The following CCDC38 variants were observed in gnomAD, a reference collection of about 807,000 sequenced individuals.
CCDC38 encodes the protein coiled-coil domain-containing protein 38.
A neutral mutation model predicts 72.8 loss-of-function variants in CCDC38; 69 were observed. The observed-to-expected ratio is 0.95, with a 90% CI of 0.78 to 1.16. The LOEUF is 1.16. CCDC38 is among the 50% of genes most tolerant of loss of function. CCDC38 has a pLI of 0.00. For synonymous variants in CCDC38, 201 were observed against 213.2 expected (o/e 0.94, Z 0.50); for missense variants, 626 against 638.9 (o/e 0.98, Z 0.22).
chr12:95,869,536 G>A lies in CCDC38; in HGVS notation c.1522C>T (p.Gln508Ter), dbSNP rs1399413690. 1 of 1,613,246 alleles carries A rather than the reference G, an allele frequency of 6.2e-7. No homozygotes were observed. The highest frequency in any genetic ancestry group is 8.5e-7 in the Non-Finnish European group (1 of 1,179,780). ...DEKMKEKQRH[Q>*]QERLKAALEK... ...AGAGCAGCTTTTAGCCTTTCCTGTT[G>A]GTGTCTTTGTTTTTCTTTCATTTTC... The change falls in exon 15 of 16, where the codon CAA becomes TAA. Residue 508 changes from glutamine (Q) to a stop codon, truncating the protein, a stop_gained. Coordinates refer to ENST00000344280, the MANE Select transcript of CCDC38 (RefSeq NM_182496.3). LOFTEE classifies it high-confidence loss of function.
At chr12:95,911,485 C>T (rs940402758) in intron 4 of CCDC38, among the ~76,000 whole-genome samples, 22 of 152,182 alleles carry the variant, frequency 1.4e-4, no homozygotes, top group Non-Finnish European at 3.1e-4. Context: ...TGTATATTCG[C>T]AACCTTTGTC....
intron 5 of CCDC38, among the ~76,000 whole-genome samples, chr12:95,905,377 A>G (rs2079990858): frequency 1.3e-5 from 2 of 152,226 alleles, no homozygotes; most frequent in Admixed American, 1.3e-4. Context: ...ATCCTAGTGT[A>G]TCTGTCAAGC....
At chr12:95,872,564 T>C (rs1274914460) in intron 13 of CCDC38, 104 bp from the exon 14 acceptor site, 3 of 734,124 alleles carry the variant, frequency 4.1e-6, no homozygotes, top group Non-Finnish European at 6.7e-6. Flanking sequence ...CTATTAAATG[T>C]TTACATTTTT....
intron 5 of CCDC38, among the ~76,000 whole-genome samples, chr12:95,904,472 GGA>G (rs1339024689): frequency 6.6e-6 from 1 of 152,208 alleles, no homozygotes; most frequent in Non-Finnish European, 1.5e-5. Flanking sequence ...TTTATTAAAA[GGA>G]AAGAATATGC....
At chr12:95,941,415 C>CA (rs1241048688) in intron 1 of CCDC38, among the ~76,000 whole-genome samples, 2 of 152,068 alleles carry the variant, frequency 1.3e-5, no homozygotes, top group African/African-American at 4.8e-5. Flanking sequence ...ATTTAAAACT[C>CA]AGACAAGCCC....
At position 95,916,408 on chromosome 12, in the gene CCDC38, CCTTCCTTCCTTT is replaced by C. The variant is rs796284977; in HGVS notation, c.304+709_304+720del. On this transcript the variant is annotated intron_variant, in intron 4 of 15. Transcript: ENST00000344280. ...TCCTTCCTTCCTTCCTTCCTTCCTT[CCTTCCTTCCTTT>C]TTTCCCTTCTTATTTTAAACTTTTT... Among the ~76,000 whole-genome samples, 1,126 of 149,884 alleles carry C rather than the reference CCTTCCTTCCTTT, an allele frequency of 7.5e-3. 14 individuals carry two copies. Among genetic ancestry groups the C allele is most frequent in the African/African-American group, 0.026 (1,034 of 39,460 alleles).
intron 5 of CCDC38, among the ~76,000 whole-genome samples, chr12:95,900,620 T>A (rs1313982211): frequency 1.3e-5 from 2 of 152,190 alleles, no homozygotes; most frequent in Non-Finnish European, 2.9e-5. Flanking sequence ...TGCATATAGT[T>A]AGTCTGCTCA....
chr12:95,914,978 A>G (rs927735245), intron 4 of CCDC38, among the ~76,000 whole-genome samples: 5 of 152,232 alleles, frequency 3.3e-5, no homozygotes, highest in Admixed American at 3.3e-4. Flanking sequence ...ATAGAAGAAA[A>G]GAATGAAAGT....
intron 4 of CCDC38, among the ~76,000 whole-genome samples, chr12:95,916,376 C>T (rs2080143557): frequency 7.2e-6 from 1 of 138,096 alleles, no homozygotes; most frequent in Non-Finnish European, 1.6e-5. Flanking sequence ...AAGTTGCCTG[C>T]CTGCCTTCCT....
chr12:95,869,737 T>C, intron 14 of CCDC38, 164 bp from the exon 15 acceptor site: 1 of 560,376 alleles, frequency 1.8e-6, no homozygotes, highest in Middle Eastern at 4.6e-4. Flanking sequence ...AATATTCAGG[T>C]AAATCTCGAC....
At chr12:95,941,670 A>T (rs1484425782) in intron 1 of CCDC38, among the ~76,000 whole-genome samples, 2 of 152,244 alleles carry the variant, frequency 1.3e-5, no homozygotes, top group Admixed American at 1.3e-4. Flanking sequence ...ATTTTATAAT[A>T]GAAAATTTTA....
chr12:95,916,375 G>GCCTTCCTTCCTTCCTT (rs1432630349), intron 4 of CCDC38, among the ~76,000 whole-genome samples: 1 of 111,990 alleles, frequency 8.9e-6, no homozygotes, highest in African/African-American at 3.4e-5. Context: ...TAAGTTGCCT[G>GCCTTCCTTCCTTCCTT]CCTGCCTTCC....
chr12:95,915,338 G>C (rs571731573), intron 4 of CCDC38, among the ~76,000 whole-genome samples: 1 of 152,312 alleles, frequency 6.6e-6, no homozygotes, highest in East Asian at 1.9e-4. Context: ...AGAGATCTGA[G>C]GACATAGAAT....
chr12:95,911,155 T>C (rs2080090177), intron 4 of CCDC38, among the ~76,000 whole-genome samples: 1 of 152,140 alleles, frequency 6.6e-6, no homozygotes, highest in African/African-American at 2.4e-5. Flanking sequence ...CCCTTTTCAA[T>C]AAATGGTGCA....
intron 2 of CCDC38, among the ~76,000 whole-genome samples, chr12:95,932,816 T>C (rs2080352117): frequency 6.6e-6 from 1 of 152,128 alleles, no homozygotes; most frequent in South Asian, 2.1e-4. Context: ...ACAAGAATAG[T>C]GAGAACCCTT....
At chr12:95,894,537 T>G (rs1461443171) in intron 8 of CCDC38, among the ~76,000 whole-genome samples, 2 of 152,116 alleles carry the variant, frequency 1.3e-5, no homozygotes, top group African/African-American at 4.8e-5. Context: ...TAGGAATGAG[T>G]GAGTTCTTAC....
rs544354041 is a variant in CCDC38 at position 95,912,672 on chromosome 12, T to C, written c.304+4457A>G. 5.9e-5 allele frequency among the ~76,000 whole-genome samples: 9 copies of C among 152,336 alleles called. 1 individual carries two copies. The South Asian group carries it at 1.9e-3, about 32-fold the overall frequency. Reference sequence around the variant, plus strand: ...TTGAGGTGATGAATATGCTCATTACTCCGATTTGATTATGGCACATTGTAT... The same window carrying C: ...TTGAGGTGATGAATATGCTCATTACCCCGATTTGATTATGGCACATTGTAT... On this transcript the variant is annotated intron_variant, in intron 4 of 15. Transcript: ENST00000344280.
intron 10 of CCDC38, 136 bp downstream of exon 10, chr12:95,888,322 G>A: frequency 1.3e-6 from 1 of 755,570 alleles, no homozygotes. Context: ...GGAGTGCACA[G>A]AAATGGCACC....
chr12:95,932,580 G>C (rs1402482521), intron 2 of CCDC38, among the ~76,000 whole-genome samples: 1 of 152,106 alleles, frequency 6.6e-6, no homozygotes, highest in East Asian at 1.9e-4. Flanking sequence ...CTAAAAAACT[G>C]CAGAATTGAA....
Sources: allele counts gnomAD v4.1 joint callset (sites outside exome capture counted in the v4.1 genomes callset), GRCh38; gene constraint gnomAD v4.1.1; transcripts MANE v1.5; gene names NCBI Gene and HGNC (gene_info 2026-07-23, HGNC 2026-07-21).